RAPGEF4: variants seen among roughly 807,000 people sequenced by gnomAD.
The protein encoded by RAPGEF4 is RAP guanine-nucleotide-exchange factor (GEF) 4.
Under a neutral mutation model 147.9 loss-of-function variants are expected in RAPGEF4, and 66 were observed. The observed-to-expected ratio is 0.45, with a 90% CI of 0.37 to 0.55. The LOEUF (loss-of-function observed/expected upper bound fraction) is 0.55, where lower values mean the gene tolerates loss of function less well. Ranked by LOEUF, RAPGEF4 falls within the 20% of genes least tolerant of loss-of-function variation. The pLI is 0.00. For missense variants in RAPGEF4, 1,071 were observed against 1,257.3 expected (o/e 0.85, Z 2.24); for synonymous variants, 419 against 442.7 (o/e 0.95, Z 0.67).
intron 26 of RAPGEF4, among the ~76,000 whole-genome samples, chr2:173,032,897 C>T (rs1243723827): frequency 1.3e-5 from 2 of 152,148 alleles, no homozygotes; most frequent in African/African-American, 4.8e-5. Flanking sequence ...CCCAGATGAC[C>T]CAGGAGTCTC....
At chr2:173,017,884 GGCCCTGAGCCCA>G (rs143395909) in intron 21 of RAPGEF4, among the ~76,000 whole-genome samples, 2,003 of 152,274 alleles carry the variant, frequency 0.013, 42 homozygotes, top group African/African-American at 0.045. Flanking sequence ...ACAATGCTCT[GGCCCTGAGCCCA>G]GCCCTGAGCA....
chr2:172,776,690 CT>C (rs909049575), intron 1 of RAPGEF4, among the ~76,000 whole-genome samples: 1 of 151,648 alleles, frequency 6.6e-6, no homozygotes, highest in South Asian at 2.1e-4. Flanking sequence ...TTCAGTTATC[CT>C]TTTTTTTCTG....
At chr2:172,788,162 C>A (rs1402285250) in intron 1 of RAPGEF4, among the ~76,000 whole-genome samples, 3 of 152,172 alleles carry the variant, frequency 2.0e-5, no homozygotes, top group Non-Finnish European at 4.4e-5. Context: ...GTCTAATCAC[C>A]TCCCAAAGGC....
At chr2:173,031,209 C>A (rs1167912930) in intron 26 of RAPGEF4, among the ~76,000 whole-genome samples, 1 of 152,222 alleles carries the variant, frequency 6.6e-6, no homozygotes, top group African/African-American at 2.4e-5. Flanking sequence ...GGCAGGTCCT[C>A]ACAAGTCCTT....
In RAPGEF4 at chr2:172,961,226, CA is replaced by C; in HGVS notation, c.697del (p.Arg233AspfsTer13). On this transcript the variant is annotated frameshift_variant and splice_region_variant, in exon 8 of 31. Coordinates refer to ENST00000397081, the MANE Select transcript of RAPGEF4 (RefSeq NM_007023.4). LOFTEE classifies it high-confidence loss of function. ...RDRKYHLKTY[R>X]QCCVGTELVD... ...ATAGAAAATACCACCTAAAGACATA[CA>C]GGTATGTGTGCTAATTCTAAAGGCT... is the stretch of plus-strand genomic sequence containing the variant. 6.3e-7 allele frequency: 1 copy of C among 1,576,998 alleles called. No homozygotes were observed. Among genetic ancestry groups the C allele is most frequent in the Non-Finnish European group, 8.7e-7 (1 of 1,146,310 alleles).
At chr2:173,035,274 C>T (rs748584270) in intron 27 of RAPGEF4, among the ~76,000 whole-genome samples, 4 of 151,664 alleles carry the variant, frequency 2.6e-5, no homozygotes, top group Non-Finnish European at 4.4e-5. Context: ...TTTGGGAGGC[C>T]GAGGCGGGCA....
intron 3 of RAPGEF4, among the ~76,000 whole-genome samples, chr2:172,803,170 C>T (rs1008704340): frequency 2.0e-4 from 30 of 152,212 alleles, no homozygotes; most frequent in African/African-American, 6.5e-4. Context: ...AGGGGTTCCC[C>T]AGTAGGGACT....
At chr2:172,792,984 T>G (rs967052050) in intron 1 of RAPGEF4, among the ~76,000 whole-genome samples, 3 of 152,198 alleles carry the variant, frequency 2.0e-5, no homozygotes, top group Non-Finnish European at 2.9e-5. Context: ...CAACAAACAC[T>G]TTTTTCTCTC....
Position 173,042,938 on chromosome 2 carries a change from A to G in RAPGEF4, c.2854-5662A>G, listed in dbSNP as rs1002399573. 5.9e-5 allele frequency among the ~76,000 whole-genome samples: 9 copies of G among 152,240 alleles called. No individual in the cohort carries two copies. The highest frequency in any genetic ancestry group is 2.0e-4 in the Admixed American group (3 of 15,286). On this transcript the variant is annotated intron_variant, in intron 29 of 30. Transcript: ENST00000397081. This position sits in a 1 kb window ranked among gnomAD's most constrained non-coding sequence, Gnocchi z 4.2. ...CATGTCATACACCTCTTGGATACTA[A>G]AGATCTGTAGGGAGACCGGACTCAG...
At chr2:172,953,381 AAT>A (rs1390086647) in intron 6 of RAPGEF4, among the ~76,000 whole-genome samples, 2 of 147,888 alleles carry the variant, frequency 1.4e-5, no homozygotes, top group South Asian at 2.1e-4. Flanking sequence ...ATTATATATA[AAT>A]ATGTTATATA....
At chr2:172,959,905 C>T (rs762440403) in intron 6 of RAPGEF4, among the ~76,000 whole-genome samples, 6 of 152,134 alleles carry the variant, frequency 3.9e-5, no homozygotes, top group Admixed American at 6.5e-5. Flanking sequence ...GCCTGGGCAA[C>T]ATATCGAGAC....
intron 10 of RAPGEF4, among the ~76,000 whole-genome samples, chr2:172,968,101 T>G (rs975595949): frequency 3.3e-5 from 5 of 152,220 alleles, no homozygotes. Context: ...AGCCCCCGTT[T>G]GATGCAGGGC....
chr2:172,790,992 T>C (rs888938351), intron 1 of RAPGEF4, among the ~76,000 whole-genome samples: 4 of 152,220 alleles, frequency 2.6e-5, no homozygotes, highest in African/African-American at 9.6e-5. Flanking sequence ...AGCATCTATC[T>C]GGTCAGAGTC....
chr2:173,052,057 G>A lies in RAPGEF4; in HGVS notation c.*290G>A, dbSNP rs189012672. The A allele has an allele frequency of 3.0e-3, 644 of 212,462 alleles. 6 individuals carry two copies. Among genetic ancestry groups the A allele is most frequent in the African/African-American group, 0.014 (610 of 43,956 alleles). The allele number at this position is 212,462 out of a possible 1,614,324, so 13.2% of individuals were successfully genotyped here. A position where few individuals can be genotyped will look rare whatever the true frequency, so the allele number is the denominator to read the frequency against. On this transcript the variant is annotated 3_prime_UTR_variant, in exon 31 of 31. Coordinates refer to ENST00000397081, the MANE Select transcript of RAPGEF4 (RefSeq NM_007023.4). ...TGCTGAAGTGTTGAATAAGGCCCACGTGAAGAGTTTGGTAGAAATAGCCTT... is the reference window on the plus strand; with the variant it reads ...TGCTGAAGTGTTGAATAAGGCCCACATGAAGAGTTTGGTAGAAATAGCCTT...
chr2:172,776,295 C>CT (rs1167234117), intron 1 of RAPGEF4, among the ~76,000 whole-genome samples: 1 of 152,142 alleles, frequency 6.6e-6, no homozygotes, highest in Non-Finnish European at 1.5e-5. Context: ...AATAGTATCA[C>CT]TTCCATCACT....
At chr2:172,743,851 C>T (rs915749403) in intron 1 of RAPGEF4, among the ~76,000 whole-genome samples, 2 of 152,170 alleles carry the variant, frequency 1.3e-5, no homozygotes, top group African/African-American at 2.4e-5. Context: ...AACACAGAGC[C>T]CCCAGTTCTG....
At chr2:172,824,983 A>G (rs2149645797) in intron 4 of RAPGEF4, among the ~76,000 whole-genome samples, 1 of 152,336 alleles carries the variant, frequency 6.6e-6, no homozygotes, top group East Asian at 1.9e-4. Context: ...AAATATGATC[A>G]CATTTATTTT....
At position 173,017,456 on chromosome 2, in the gene RAPGEF4, G is replaced by A. The variant is rs1181747980; in HGVS notation, c.1960G>A (p.Gly654Ser). Reference sequence around the variant, plus strand: ...GGTTCTTTTGCAACAGTTCAATACGGGCGATGAGAGAGCCCAGAAGCGCCA... The same window carrying A: ...GGTTCTTTTGCAACAGTTCAATACGAGCGATGAGAGAGCCCAGAAGCGCCA... ...HKVLLQQFNT[G>S]DERAQKRQPI... Residue 654 changes from glycine (G) to serine (S), a missense_variant, in exon 21 of 31, where the codon GGC (glycine) becomes AGC (serine). By Grantham distance (56) the Gly-to-Ser change is moderately conservative. Transcript: ENST00000397081. 3 of 1,614,160 alleles carry A rather than the reference G, an allele frequency of 1.9e-6. No individual in the cohort carries two copies. The East Asian group carries it at 6.7e-5, about 36-fold the overall frequency.
At chr2:173,024,500 A>G (rs1696464425) in intron 23 of RAPGEF4, among the ~76,000 whole-genome samples, 1 of 140,408 alleles carries the variant, frequency 7.1e-6, no homozygotes, top group African/African-American at 2.5e-5. Flanking sequence ...TACAGGCGTG[A>G]GCCACCGCGC....
Sources: allele counts gnomAD v4.1 joint callset (sites outside exome capture counted in the v4.1 genomes callset), GRCh38; gene constraint gnomAD v4.1.1; non-coding constraint Gnocchi (gnomAD v3.1); transcripts MANE v1.5; gene names NCBI Gene and HGNC (gene_info 2026-07-23, HGNC 2026-07-21).